The following IMMP2L variants were observed in gnomAD, a reference collection of about 807,000 sequenced individuals.
The protein encoded by IMMP2L is inner mitochondrial membrane peptidase subunit 2.
IMMP2L carries 18 observed loss-of-function variants against 19.3 expected under a neutral mutation model. The observed-to-expected ratio is 0.93, with a 90% CI of 0.64 to 1.38. IMMP2L has a LOEUF of 1.38. IMMP2L is among the 40% of genes most tolerant of loss of function. IMMP2L has a pLI of 0.00. For missense variants in IMMP2L, 233 were observed against 218.2 expected, an observed-to-expected ratio of 1.07 and a Z score of -0.43; for synonymous variants, 76 against 73.0, an observed-to-expected ratio of 1.04 and a Z score of -0.21.
chr7:110,726,019 G>A (rs1562939729), intron 5 of IMMP2L, among the ~76,000 whole-genome samples: 1 of 152,166 alleles, frequency 6.6e-6, no homozygotes, highest in Non-Finnish European at 1.5e-5. Context: ...GAGGTTCATA[G>A]AGATTAAATA....
intron 3 of IMMP2L, among the ~76,000 whole-genome samples, chr7:111,463,160 T>G (rs1436803077): frequency 1.3e-5 from 2 of 151,836 alleles, no homozygotes; most frequent in African/African-American, 4.9e-5. Flanking sequence ...TGCCTATATC[T>G]CTTCACATCA....
intron 3 of IMMP2L, among the ~76,000 whole-genome samples, chr7:111,182,635 TAAAG>T (rs1308801248): frequency 3.3e-5 from 5 of 151,534 alleles, no homozygotes; most frequent in Admixed American, 6.6e-5. Flanking sequence ...ATTAAAAAAA[TAAAG>T]AAAGTCAATC....
Position 111,206,351 on chromosome 7 carries a change from T to C in IMMP2L, c.240-242786A>G, listed in dbSNP as rs1415280698. ...CCCCTTTAGCTTTCCAGCACTAAGA[T>C]ACATTAAGTCCAGAATTGCTAAGCA... On this transcript the variant is annotated intron_variant, in intron 3 of 5. Coordinates refer to ENST00000405709, the MANE Select transcript of IMMP2L (RefSeq NM_032549.4). 5.3e-5 allele frequency among the ~76,000 whole-genome samples: 8 copies of C among 152,214 alleles called. 1 individual carries two copies.
intron 3 of IMMP2L, among the ~76,000 whole-genome samples, chr7:111,187,579 C>T (rs1324514061): frequency 6.6e-6 from 1 of 152,104 alleles, no homozygotes; most frequent in East Asian, 1.9e-4. Flanking sequence ...CTATGCTTAG[C>T]ACAAAGTATG....
At chr7:111,178,773 T>C (rs1390977008) in intron 3 of IMMP2L, among the ~76,000 whole-genome samples, 2 of 152,100 alleles carry the variant, frequency 1.3e-5, no homozygotes. Flanking sequence ...CAAGTTTCAC[T>C]TCTAATTCTA....
At chr7:110,943,024 G>A (rs895476276) in intron 4 of IMMP2L, among the ~76,000 whole-genome samples, 1 of 151,952 alleles carries the variant, frequency 6.6e-6, no homozygotes, top group East Asian at 1.9e-4. Flanking sequence ...AGATGGATGT[G>A]ATGAATCCCT....
intron 3 of IMMP2L, among the ~76,000 whole-genome samples, chr7:111,184,886 T>G (rs1209626804): frequency 6.6e-6 from 1 of 152,086 alleles, no homozygotes; most frequent in Admixed American, 6.6e-5. Context: ...ACAACAGTAT[T>G]TGTATGAATT....
intron 3 of IMMP2L, among the ~76,000 whole-genome samples, chr7:111,231,857 T>G (rs559420428): frequency 3.9e-5 from 6 of 152,154 alleles, no homozygotes; most frequent in African/African-American, 1.4e-4. Context: ...GGGAATATCA[T>G]ATGATACAAC....
chr7:110,946,652 A>G (rs1585386705), intron 4 of IMMP2L, among the ~76,000 whole-genome samples: 1 of 152,150 alleles, frequency 6.6e-6, no homozygotes, highest in East Asian at 1.9e-4. Context: ...CACAAACTGA[A>G]GATATATTTG....
At chr7:111,099,292 T>G (rs954185527) in intron 3 of IMMP2L, among the ~76,000 whole-genome samples, 2 of 151,714 alleles carry the variant, frequency 1.3e-5, no homozygotes, top group South Asian at 4.1e-4. Context: ...TTTCCCCTCA[T>G]GCATTCTCTT....
At chr7:111,513,085 G>A (rs1196555069) in intron 2 of IMMP2L, among the ~76,000 whole-genome samples, 1 of 151,878 alleles carries the variant, frequency 6.6e-6, no homozygotes, top group East Asian at 1.9e-4. Flanking sequence ...GACCCCAAAA[G>A]CACAAGCAAC....
intron 5 of IMMP2L, among the ~76,000 whole-genome samples, chr7:110,723,821 A>C (rs969589221): frequency 2.0e-5 from 3 of 151,370 alleles, no homozygotes; most frequent in Non-Finnish European, 2.9e-5. Flanking sequence ...TTAAGAATAG[A>C]TATTTTGCTC....
chr7:110,715,074 T>A lies in IMMP2L; in HGVS notation c.409-51353A>T, dbSNP rs377100298. On this transcript the variant is annotated intron_variant, in intron 5 of 5. Transcript: ENST00000405709. ...GTGTGCATATAGGTGTTCATATTTG[T>A]CTCTGAGGATGCTTTATGTTTCTGT... 7.0e-4 allele frequency among the ~76,000 whole-genome samples: 107 copies of A among 152,306 alleles called. 1 individual carries two copies. The highest frequency in any genetic ancestry group is 3.4e-3 in the Middle Eastern group (1 of 294).
At chr7:111,512,770 T>C (rs183016196) in intron 2 of IMMP2L, among the ~76,000 whole-genome samples, 236 of 151,012 alleles carry the variant, frequency 1.6e-3, no homozygotes, top group African/African-American at 4.7e-3. Context: ...ACCAATGTAA[T>C]AGAATAGAGA....
chr7:111,326,380 A>T (rs1825318516), intron 3 of IMMP2L, among the ~76,000 whole-genome samples: 1 of 151,862 alleles, frequency 6.6e-6, no homozygotes, highest in African/African-American at 2.4e-5. Flanking sequence ...TTTCCATCTC[A>T]GATATTAAAG....
At chr7:110,949,121 T>C (rs1361740899) in intron 4 of IMMP2L, among the ~76,000 whole-genome samples, 1 of 152,172 alleles carries the variant, frequency 6.6e-6, no homozygotes, top group African/African-American at 2.4e-5. Flanking sequence ...GGTCTCCAGC[T>C]TGCAGGTGGC....
chr7:111,038,997 T>TCTTACA (rs1791621209), intron 3 of IMMP2L, among the ~76,000 whole-genome samples: 1 of 152,146 alleles, frequency 6.6e-6, no homozygotes, highest in South Asian at 2.1e-4. Flanking sequence ...ATTTTTTTTC[T>TCTTACA]CTTACATCTC....
chr7:111,072,460 A>T (rs1196916100), intron 3 of IMMP2L, among the ~76,000 whole-genome samples: 4 of 152,218 alleles, frequency 2.6e-5, no homozygotes, highest in African/African-American at 9.7e-5. Context: ...TGCAGTGTAA[A>T]CTGCATTACT....
intron 3 of IMMP2L, among the ~76,000 whole-genome samples, chr7:111,168,724 C>T (rs1266213385): frequency 6.6e-6 from 1 of 151,782 alleles, no homozygotes; most frequent in East Asian, 1.9e-4. Context: ...CTATCCCTTC[C>T]CTACATTCTT....
Sources: allele counts gnomAD v4.1 joint callset (sites outside exome capture counted in the v4.1 genomes callset), GRCh38; gene constraint gnomAD v4.1.1; transcripts MANE v1.5; gene names NCBI Gene and HGNC (gene_info 2026-07-23, HGNC 2026-07-21).